Variants in LRP1B observed in about 807,000 individuals in gnomAD.
The protein encoded by LRP1B is low-density lipoprotein receptor-related protein 1B.
LRP1B carries 217 observed loss-of-function variants against 556.6 expected under a neutral mutation model. That is an observed-to-expected ratio of 0.39 (90% CI 0.35 to 0.44). The LOEUF is 0.44. LRP1B is among the 20% of genes least tolerant of loss of function. The pLI is 1.00. For synonymous variants in LRP1B, 2,047 were observed against 1,865.8 expected (o/e 1.10, Z -2.50); for missense variants, 5,053 against 5,620.8 (o/e 0.90, Z 3.23).
In LRP1B at chr2:142,046,992, T is replaced by C. The variant is rs72990359; in HGVS notation, c.82+83656A>G. Reference sequence around the variant, plus strand: ...ACTTGGCCAATATCACAGCTAATAATTGGCACAGTAGGGTTCAAAACCAAG... The same window carrying C: ...ACTTGGCCAATATCACAGCTAATAACTGGCACAGTAGGGTTCAAAACCAAG... On this transcript the variant is annotated intron_variant, in intron 1 of 90. Coordinates refer to ENST00000389484, the MANE Select transcript of LRP1B (RefSeq NM_018557.3). Among the ~76,000 whole-genome samples, 396 of 152,086 alleles carry C rather than the reference T, an allele frequency of 2.6e-3. 2 individuals carry two copies. The highest frequency in any genetic ancestry group is 9.4e-3 in the African/African-American group (390 of 41,530).
intron 2 of LRP1B, among the ~76,000 whole-genome samples, chr2:141,492,108 A>G (rs1683359127): frequency 1.4e-5 from 2 of 145,098 alleles, no homozygotes; most frequent in South Asian, 2.2e-4. Context: ...GAAAACCAAC[A>G]TTTGATGACT....
Position 140,959,699 on chromosome 2 carries a change from T to A in LRP1B, c.2888-7759A>T, listed in dbSNP as rs148758440. Among the ~76,000 whole-genome samples, 232 of 151,908 alleles carry A rather than the reference T, an allele frequency of 1.5e-3. 3 individuals carry two copies. The highest frequency in any genetic ancestry group is 5.4e-3 in the African/African-American group (224 of 41,550). On this transcript the variant is annotated intron_variant, in intron 18 of 90. Coordinates refer to ENST00000389484, the MANE Select transcript of LRP1B (RefSeq NM_018557.3). ...TCTCAAGTAAATTAATTTGGTTATA[T>A]ATTTTAAGACTTTACTTCAGGAAAT...
Position 140,632,276 on chromosome 2 carries a change from G to T in LRP1B, c.6800-30637C>A, listed in dbSNP as rs559810724. ...CTTATTCTTAATTTCTCTGATAGCT[G>T]TTTTTTTAAAATAATAATAGAAACA... is the stretch of plus-strand genomic sequence containing the variant. On this transcript the variant is annotated intron_variant, in intron 41 of 90. Coordinates refer to ENST00000389484, the MANE Select transcript of LRP1B (RefSeq NM_018557.3). Among the ~76,000 whole-genome samples the T allele has an allele frequency of 3.3e-5, 5 of 152,082 alleles. No individual in the cohort carries two copies. The East Asian group carries it at 9.7e-4, about 29-fold the overall frequency.
At chr2:140,583,166 T>TTTTTC (rs1387664314) in intron 43 of LRP1B, among the ~76,000 whole-genome samples, 1,103 of 60,520 alleles carry the variant, frequency 0.018, 28 homozygotes, top group Middle Eastern at 0.033. Flanking sequence ...TTTCTCCTTT[T>TTTTTC]TTTTCTTTTT....
chr2:141,239,450 G>A (rs1683781052), intron 5 of LRP1B, among the ~76,000 whole-genome samples: 1 of 152,052 alleles, frequency 6.6e-6, no homozygotes, highest in Admixed American at 6.6e-5. Context: ...TTTAAAGGAA[G>A]TTGTTTTGCA....
At chr2:141,733,213 C>A in intron 2 of LRP1B, among the ~76,000 whole-genome samples, 1 of 152,022 alleles carries the variant, frequency 6.6e-6, no homozygotes, top group East Asian at 1.9e-4. Context: ...TTTGTGTTTT[C>A]TTCTATGGCA....
At chr2:141,676,931 C>T (rs1690905525) in intron 2 of LRP1B, among the ~76,000 whole-genome samples, 1 of 152,090 alleles carries the variant, frequency 6.6e-6, no homozygotes, top group East Asian at 1.9e-4. Context: ...TGCAAAACTA[C>T]TAGAGATATG....
intron 3 of LRP1B, among the ~76,000 whole-genome samples, chr2:141,331,046 C>A (rs1573815960): frequency 6.6e-6 from 1 of 152,254 alleles, no homozygotes; most frequent in East Asian, 1.9e-4. Context: ...GCGTGACAAA[C>A]CCTATAGTAA....
chr2:141,856,390 G>A (rs1698051307), intron 1 of LRP1B, among the ~76,000 whole-genome samples: 1 of 152,108 alleles, frequency 6.6e-6, no homozygotes, highest in Non-Finnish European at 1.5e-5. Flanking sequence ...AGCTATGCTA[G>A]ACAGTAGGAG....
intron 20 of LRP1B, among the ~76,000 whole-genome samples, chr2:140,938,787 A>G (rs1376807265): frequency 6.6e-6 from 1 of 150,884 alleles, no homozygotes; most frequent in African/African-American, 2.4e-5. Context: ...TTCTTCCCCT[A>G]TATTATCAAC....
At chr2:141,912,437 G>A (rs1283753204) in intron 1 of LRP1B, among the ~76,000 whole-genome samples, 1 of 152,004 alleles carries the variant, frequency 6.6e-6, no homozygotes, top group Non-Finnish European at 1.5e-5. Context: ...AAAAGGGGTC[G>A]AGACCCCTTG....
intron 60 of LRP1B, among the ~76,000 whole-genome samples, chr2:140,469,691 G>T (rs75417088): frequency 1.3e-5 from 2 of 152,126 alleles, no homozygotes; most frequent in African/African-American, 4.8e-5. Context: ...CTTTATTTGT[G>T]TAAGTGTATA....
intron 1 of LRP1B, among the ~76,000 whole-genome samples, chr2:141,867,629 T>G (rs982047775): frequency 6.6e-6 from 1 of 152,134 alleles, no homozygotes; most frequent in African/African-American, 2.4e-5. Context: ...ATGCTTACAA[T>G]AAGGTTTAGG....
chr2:141,458,283 A>G (rs1394697120), intron 3 of LRP1B, among the ~76,000 whole-genome samples: 3 of 152,212 alleles, frequency 2.0e-5, no homozygotes, highest in Non-Finnish European at 2.9e-5. Flanking sequence ...CCTTGAACTG[A>G]CATCAGAATT....
At chr2:140,581,517 A>G (rs1029383516) in intron 43 of LRP1B, among the ~76,000 whole-genome samples, 1 of 151,680 alleles carries the variant, frequency 6.6e-6, no homozygotes, top group African/African-American at 2.4e-5. Flanking sequence ...TTACAAATCT[A>G]ATCTGAACTG....
At chr2:140,362,722 T>C (rs74414686) in intron 72 of LRP1B, among the ~76,000 whole-genome samples, 2,058 of 151,790 alleles carry the variant, frequency 0.014, 49 homozygotes, top group African/African-American at 0.047. Context: ...GCTAAATATT[T>C]CCCAGGCCTG....
intron 2 of LRP1B, among the ~76,000 whole-genome samples, chr2:141,809,452 C>T (rs747434498): frequency 1.3e-5 from 2 of 151,692 alleles, no homozygotes; most frequent in Non-Finnish European, 2.9e-5. Context: ...TACCTGGTTG[C>T]CTGAAGAGCA....
intron 20 of LRP1B, among the ~76,000 whole-genome samples, chr2:140,942,443 C>T (rs1224551439): frequency 6.6e-6 from 1 of 152,018 alleles, no homozygotes; most frequent in Admixed American, 6.6e-5. Context: ...TCAGGGAATT[C>T]CTGCAAGATA....
At chr2:141,154,291 T>C (rs1702013108) in intron 7 of LRP1B, among the ~76,000 whole-genome samples, 1 of 151,924 alleles carries the variant, frequency 6.6e-6, no homozygotes, top group Middle Eastern at 3.2e-3. Flanking sequence ...TCTTTTGAAA[T>C]TGGTAAATGT....
Sources: allele counts gnomAD v4.1 joint callset (sites outside exome capture counted in the v4.1 genomes callset), GRCh38; gene constraint gnomAD v4.1.1; transcripts MANE v1.5; gene names NCBI Gene and HGNC (gene_info 2026-07-23, HGNC 2026-07-21).